Variants in VPS13B observed in about 807,000 individuals in gnomAD.
VPS13B encodes the protein vacuolar protein sorting 13 homolog B, also known as intermembrane lipid transfer protein VPS13B.
VPS13B carries 285 observed loss-of-function variants against 426.4 expected under a neutral mutation model. The observed-to-expected ratio is 0.67, with a 90% CI of 0.61 to 0.74. The LOEUF (loss-of-function observed/expected upper bound fraction) is 0.74. VPS13B is among the 30% of genes least tolerant of loss of function. The pLI is 0.00. For missense variants in VPS13B, 4,537 were observed against 4,782.6 expected, an observed-to-expected ratio of 0.95 and a Z score of 1.51; for synonymous variants, 1,676 against 1,676.4, an observed-to-expected ratio of 1.00 and a Z score of 0.01.
intron 43 of VPS13B, among the ~76,000 whole-genome samples, chr8:99,807,846 G>A (rs1245699260): frequency 1.4e-5 from 2 of 138,012 alleles, no homozygotes; most frequent in Non-Finnish European, 1.5e-5. Context: ...TGAGTTAGGA[G>A]ATTTTTAAAA....
intron 33 of VPS13B, among the ~76,000 whole-genome samples, chr8:99,581,518 A>G (rs1386939456): frequency 6.6e-6 from 1 of 152,182 alleles, no homozygotes; most frequent in Non-Finnish European, 1.5e-5. Context: ...TATTCATACT[A>G]TTAGATTTTC....
intron 3 of VPS13B, among the ~76,000 whole-genome samples, chr8:99,050,533 A>G (rs1843483416): frequency 6.6e-6 from 1 of 152,174 alleles, no homozygotes; most frequent in African/African-American, 2.4e-5. Context: ...GATTTATAAT[A>G]CTTTGGGCAT....
intron 39 of VPS13B, among the ~76,000 whole-genome samples, chr8:99,765,222 G>C (rs1286086365): frequency 6.6e-6 from 1 of 152,172 alleles, no homozygotes; most frequent in Non-Finnish European, 1.5e-5. Flanking sequence ...TCCAGCCTGG[G>C]TGAAAAAGCA....
intron 19 of VPS13B, among the ~76,000 whole-genome samples, chr8:99,319,583 G>T (rs941119459): frequency 6.6e-6 from 1 of 152,180 alleles, no homozygotes; most frequent in Non-Finnish European, 1.5e-5. Flanking sequence ...TTGGTTGATG[G>T]TTAATGTCAG....
intron 21 of VPS13B, among the ~76,000 whole-genome samples, chr8:99,406,575 C>T (rs1588339573): frequency 6.6e-6 from 1 of 152,162 alleles, no homozygotes; most frequent in South Asian, 2.1e-4. Flanking sequence ...CAGTGTATTC[C>T]TGCTACATCA....
chr8:99,174,165 G>A (rs1421152476), intron 16 of VPS13B, among the ~76,000 whole-genome samples: 5 of 152,054 alleles, frequency 3.3e-5, no homozygotes, highest in South Asian at 4.1e-4. Flanking sequence ...TTATTCATTC[G>A]TTTGTAAGAC....
At chr8:99,840,949 C>T (rs1193476299) in intron 54 of VPS13B, among the ~76,000 whole-genome samples, 1 of 152,228 alleles carries the variant, frequency 6.6e-6, no homozygotes, top group Non-Finnish European at 1.5e-5. Context: ...CTCCAGGGCA[C>T]AGTCGAACAG....
At chr8:99,102,068 T>C (rs1455488866) in intron 4 of VPS13B, among the ~76,000 whole-genome samples, 2 of 152,178 alleles carry the variant, frequency 1.3e-5, no homozygotes, top group African/African-American at 4.8e-5. Flanking sequence ...TGTATCCATG[T>C]ACACACTTAC....
At chr8:99,831,232 C>A (rs997405179) in intron 51 of VPS13B, among the ~76,000 whole-genome samples, 4 of 151,762 alleles carry the variant, frequency 2.6e-5, no homozygotes, top group Non-Finnish European at 5.9e-5. Context: ...ACCACCACAC[C>A]CAGCTAATTT....
rs76436139 is a variant in VPS13B at position 99,613,455 on chromosome 8, A to T, written c.5221-28356A>T. On this transcript the variant is annotated intron_variant, in intron 33 of 61. Coordinates refer to ENST00000357162, the MANE Select transcript of VPS13B (RefSeq NM_152564.5). ...TATCCATTCACCTGTCCCTTACTTC[A>T]TTCAGAAAGACTATGAAAGAGCTGG... Among the ~76,000 whole-genome samples, 1,371 of 152,330 alleles carry T rather than the reference A, an allele frequency of 9.0e-3. 28 individuals are homozygous for T. Among genetic ancestry groups the T allele is most frequent in the African/African-American group, 0.032 (1,324 of 41,570 alleles).
intron 27 of VPS13B, among the ~76,000 whole-genome samples, chr8:99,506,299 T>C (rs1299376063): frequency 6.6e-6 from 1 of 152,198 alleles, no homozygotes; most frequent in African/African-American, 2.4e-5. Context: ...CTTTTGATAA[T>C]AGAATGTTCA....
In VPS13B at chr8:99,699,565, C is replaced by T. The variant is rs746122729; in HGVS notation, c.6087C>T (p.Asn2029=). 1 of 1,613,922 alleles carries T rather than the reference C, an allele frequency of 6.2e-7. No homozygotes were observed. Among genetic ancestry groups the T allele is most frequent in the South Asian group, 1.1e-5 (1 of 91,072 alleles). Residue 2029 remains asparagine (N), a synonymous_variant, in exon 36 of 62, where the codon AAC becomes AAT. Coordinates refer to ENST00000357162, the MANE Select transcript of VPS13B (RefSeq NM_152564.5). The stretch of plus-strand genomic sequence containing the variant: ...ATATATCAAAGCCTTTGAAAGCAAA[C>T]CTGAGTTTCACCAAACTGGATCAGA... The part of the protein sequence containing the change: ...NLDISKPLKA[N]LSFTKLDQIN...
chr8:99,442,553 A>G lies in VPS13B; in HGVS notation c.3363A>G (p.Ile1121Met), dbSNP rs191099208. 49 of 1,614,002 alleles carry G rather than the reference A, an allele frequency of 3.0e-5. No homozygotes were observed. The East Asian group carries it at 9.4e-4, about 31-fold the overall frequency. Residue 1121 changes from isoleucine to methionine, a missense_variant, in exon 23 of 62, where the codon ATA (isoleucine) becomes ATG (methionine). By Grantham distance (10) the Ile-to-Met change is conservative. Coordinates refer to ENST00000357162, the MANE Select transcript of VPS13B (RefSeq NM_152564.5). ...CACTTGTCCTCTGTTTGCCTCAAAT[A>G]AAGATTATTAGTGCTGGGCACAAGT... Reference protein sequence around the residue: ...PGTLVLCLPQIKIISAGHKYM... With the variant: ...PGTLVLCLPQMKIISAGHKYM...
At chr8:99,533,328 G>A (rs1264037392) in intron 30 of VPS13B, among the ~76,000 whole-genome samples, 1 of 152,146 alleles carries the variant, frequency 6.6e-6, no homozygotes, top group Non-Finnish European at 1.5e-5. Flanking sequence ...GAACTACCAA[G>A]TGATCCAAAT....
intron 17 of VPS13B, among the ~76,000 whole-genome samples, chr8:99,250,075 T>A (rs1050888986): frequency 3.3e-5 from 5 of 152,218 alleles, no homozygotes; most frequent in African/African-American, 9.7e-5. Flanking sequence ...AGATGTGTAG[T>A]GATATCTCAT....
At chr8:99,019,158 A>G (rs572771983) in intron 2 of VPS13B, among the ~76,000 whole-genome samples, 5 of 151,804 alleles carry the variant, frequency 3.3e-5, no homozygotes, top group African/African-American at 1.2e-4. Flanking sequence ...TGGTTTTTTT[A>G]AAATTGTGAT....
chr8:99,349,349 A>AAAAG (rs1811736842), intron 19 of VPS13B, among the ~76,000 whole-genome samples: 1 of 149,322 alleles, frequency 6.7e-6, no homozygotes, highest in Admixed American at 6.7e-5. Context: ...AAAAAAAAAA[A>AAAAG]AAAAAAGAAA....
chr8:99,710,375 C>T (rs1477041510), intron 36 of VPS13B, among the ~76,000 whole-genome samples: 1 of 152,028 alleles, frequency 6.6e-6, no homozygotes, highest in African/African-American at 2.4e-5. Context: ...CTTTCTGTTG[C>T]CATTTATACC....
intron 17 of VPS13B, among the ~76,000 whole-genome samples, chr8:99,240,383 T>C (rs1816860125): frequency 1.3e-5 from 2 of 152,352 alleles, no homozygotes; most frequent in South Asian, 4.1e-4. Context: ...ATTTTAATAG[T>C]ATTTCCTTAC....
Sources: gnomAD v4.1 joint callset for allele counts (sites outside exome capture counted in the v4.1 genomes callset) on GRCh38, gnomAD v4.1.1 for gene constraint, MANE v1.5 for transcripts, NCBI Gene and HGNC (gene_info 2026-07-23, HGNC 2026-07-21) for gene names.